The following CFAP157 variants were observed in gnomAD, a reference collection of about 807,000 sequenced individuals.
CFAP157 encodes cilia- and flagella-associated protein 157.
A neutral mutation model predicts 57.8 loss-of-function variants in CFAP157; 43 were observed. That is an observed-to-expected ratio of 0.74 (90% CI 0.58 to 0.96). CFAP157 has a LOEUF of 0.96. Ranked by LOEUF, CFAP157 falls within the 40% of genes least tolerant of loss-of-function variation. The pLI is 0.00. For missense variants in CFAP157, 606 were observed against 655.3 expected, an observed-to-expected ratio of 0.92 and a Z score of 0.82; for synonymous variants, 267 against 269.0, an observed-to-expected ratio of 0.99 and a Z score of 0.07.
Position 127,711,490 on chromosome 9 carries a change from C to A in CFAP157, c.849C>A (p.His283Gln), listed in dbSNP as rs1303059495. 6.2e-7 allele frequency: 1 copy of A among 1,612,968 alleles called. No homozygotes were observed. Among genetic ancestry groups the A allele is most frequent in the Non-Finnish European group, 8.5e-7 (1 of 1,179,638 alleles). ...TCATGGCCAGGCACAAAAGAGGCCA[C>A]CAGAAGGTGTGCCTGCAGGCCTCAG... is the stretch of plus-strand genomic sequence containing the variant. ...QKVMARHKRG[H>Q]QKIILMLTKK... is the part of the protein sequence containing the mutation. The change falls in exon 4 of 9, where the codon CAC (histidine) becomes CAA (glutamine). Residue 283 changes from histidine to glutamine, a missense_variant. Physicochemically the swap from His to Gln is conservative, Grantham distance 24. Transcript: ENST00000373295.
Position 127,715,212 on chromosome 9 carries a change from G to A in CFAP157, c.*1307G>A. Reference sequence around the variant, plus strand: ...CCAGCCACCTGCGGGCGGCACCAGGGAAACTGAGGCCCAACAACTCTCGCC... The same window carrying A: ...CCAGCCACCTGCGGGCGGCACCAGGAAAACTGAGGCCCAACAACTCTCGCC... On this transcript the variant is annotated 3_prime_UTR_variant, in exon 9 of 9. Coordinates refer to ENST00000373295, the MANE Select transcript of CFAP157 (RefSeq NM_001012502.3). The surrounding 1 kb of genome is among the most constrained non-coding windows in gnomAD (Gnocchi z 5.8). 6.5e-7 allele frequency: 1 copy of A among 1,526,892 alleles called. No individual in the cohort carries two copies. Among genetic ancestry groups the A allele is most frequent in the South Asian group, 1.2e-5 (1 of 83,688 alleles). 94.6% of individuals were successfully genotyped at this position (1,526,892 alleles called of 1,614,324 possible). A position where few individuals can be genotyped will look rare whatever the true frequency, so the allele number is the denominator to read the frequency against.
intron 1 of CFAP157, among the ~76,000 whole-genome samples, chr9:127,707,920 C>T (rs1350216909): frequency 1.3e-5 from 2 of 152,210 alleles, no homozygotes; most frequent in Non-Finnish European, 2.9e-5. Context: ...CTGAGTCCCT[C>T]GTGGTGCCAG....
rs1220521020 is a variant in CFAP157, at chr9:127,713,780, T to C, written c.1492-54T>C. The stretch of plus-strand genomic sequence containing the variant: ...CCTCGGCCTCCCAAAGTGCTGGGAT[T>C]ATAGGTGTGAGCCACTGCACCCGGC... On this transcript the variant is annotated intron_variant, in intron 8 of 8. Transcript: ENST00000373295. 19 of 1,477,002 alleles carry C rather than the reference T, an allele frequency of 1.3e-5. No homozygotes were observed. The Middle Eastern group carries it at 5.3e-4, about 41-fold the overall frequency. The allele number at this position is 1,477,002 out of a possible 1,614,324, so 91.5% of individuals were successfully genotyped here. A position where few individuals can be genotyped will look rare whatever the true frequency, so the allele number is the denominator to read the frequency against.
chr9:127,714,867 T>G lies in CFAP157; in HGVS notation c.*962T>G, dbSNP rs1842892769. The G allele has an allele frequency of 2.8e-6, 3 of 1,086,048 alleles. No individual in the cohort carries two copies. Among genetic ancestry groups the G allele is most frequent in the African/African-American group, 1.6e-5 (1 of 63,790 alleles). 67.3% of individuals were successfully genotyped at this position (1,086,048 alleles called of 1,614,324 possible). On this transcript the variant is annotated 3_prime_UTR_variant, in exon 9 of 9. Coordinates refer to ENST00000373295, the MANE Select transcript of CFAP157 (RefSeq NM_001012502.3). Reference sequence around the variant, plus strand: ...GCAGCAACTGGAGCTCAACAGGTACTTGGAGGTGAACCCGCGGATCTGTCA... The same window carrying G: ...GCAGCAACTGGAGCTCAACAGGTACGTGGAGGTGAACCCGCGGATCTGTCA...
chr9:127,714,977 G>A lies in CFAP157; in HGVS notation c.*1072G>A. The A allele has an allele frequency of 2.6e-6, 2 of 767,024 alleles. No individual in the cohort carries two copies. The highest frequency in any genetic ancestry group is 3.3e-6 in the Non-Finnish European group (2 of 604,962). The allele number at this position is 767,024 out of a possible 1,614,324, so 47.5% of individuals were successfully genotyped here. A position where few individuals can be genotyped will look rare whatever the true frequency, so the allele number is the denominator to read the frequency against. ...CACCCCTGGCGCTCTCAACTCACCA[G>A]CCCGGGCCACGCTGCGCCCGTTGGC... On this transcript the variant is annotated 3_prime_UTR_variant, in exon 9 of 9. Coordinates refer to ENST00000373295, the MANE Select transcript of CFAP157 (RefSeq NM_001012502.3).
intron 2 of CFAP157, among the ~76,000 whole-genome samples, chr9:127,710,227 G>C (rs2131587306): frequency 1.3e-5 from 2 of 150,602 alleles, no homozygotes; most frequent in South Asian, 4.2e-4. Context: ...AGACTGCAGT[G>C]AGCTGTGACT....
Position 127,714,823 on chromosome 9 carries a change from C to T in CFAP157, c.*918C>T. On this transcript the variant is annotated 3_prime_UTR_variant, in exon 9 of 9. Transcript: ENST00000373295. ...TCACATATAAAGAAACTGAGGCCCC[C>T]CGAAGTACCCAAAGCCATGCAGCAA... The T allele has an allele frequency of 9.4e-7, 1 of 1,066,844 alleles. No individual in the cohort carries two copies. Among genetic ancestry groups the T allele is most frequent in the Non-Finnish European group, 1.4e-6 (1 of 724,600 alleles). The allele number at this position is 1,066,844 out of a possible 1,614,324, so 66.1% of individuals were successfully genotyped here.
chr9:127,712,982 C>T (rs752500714), intron 7 of CFAP157, 38 bp from the exon 8 acceptor site: 11 of 1,604,336 alleles, frequency 6.9e-6, no homozygotes, highest in East Asian at 2.3e-5. Flanking sequence ...AAACCTGGCT[C>T]GCCGAAGGCT....
Position 127,709,494 on chromosome 9 carries a change from T to A in CFAP157, c.234T>A (p.Asn78Lys). ...GCCAGGAGTTTGAGCAGCTGGCCAA[T>A]AACAAGAAGGAGATTGTGGCCTTCC... ...MFRQEFEQLANNKKEIVAFLK... is the reference protein window; with the variant it reads ...MFRQEFEQLAKNKKEIVAFLK... Residue 78 changes from asparagine to lysine, a missense_variant, in exon 2 of 9, where the codon AAT (asparagine) becomes AAA (lysine). Coordinates refer to ENST00000373295, the MANE Select transcript of CFAP157 (RefSeq NM_001012502.3). The surrounding 1 kb of genome is among the most constrained non-coding windows in gnomAD (Gnocchi z 4.7). The A allele has an allele frequency of 6.2e-7, 1 of 1,613,978 alleles. No homozygotes were observed. Among genetic ancestry groups the A allele is most frequent in the Non-Finnish European group, 8.5e-7 (1 of 1,180,006 alleles).
Position 127,711,801 on chromosome 9 carries a change from C to A in CFAP157, c.856-19C>A. The A allele has an allele frequency of 6.4e-7, 1 of 1,551,996 alleles. No individual in the cohort carries two copies. The highest frequency in any genetic ancestry group is 1.4e-5 in the African/African-American group (1 of 73,528). ...GGACAGGGCAGGCTGAGGGCATGGCCACCTGTCCGCACCCGCAGATCATCC... is the reference window on the plus strand; with the variant it reads ...GGACAGGGCAGGCTGAGGGCATGGCAACCTGTCCGCACCCGCAGATCATCC... On this transcript the variant is annotated intron_variant, in intron 4 of 8. Coordinates refer to ENST00000373295, the MANE Select transcript of CFAP157 (RefSeq NM_001012502.3).
In CFAP157 at chr9:127,711,863, A is replaced by C. The variant is rs1188833250; in HGVS notation, c.899A>C (p.Asp300Ala). The C allele has an allele frequency of 6.3e-7, 1 of 1,583,522 alleles. No homozygotes were observed. The highest frequency in any genetic ancestry group is 2.3e-5 in the East Asian group (1 of 43,862). ...AAGAAGTGCCAGGAGCAGCAGCAGGACACCAAGGAGGCCGAGGAGCTGCGC... is the reference window on the plus strand; with the variant it reads ...AAGAAGTGCCAGGAGCAGCAGCAGGCCACCAAGGAGGCCGAGGAGCTGCGC... ...LTKKCQEQQQDTKEAEELRLL... is the reference protein window; with the variant it reads ...LTKKCQEQQQATKEAEELRLL... Residue 300 changes from aspartate (D) to alanine (A), a missense_variant, in exon 5 of 9, where the codon GAC becomes GCC. Coordinates refer to ENST00000373295, the MANE Select transcript of CFAP157 (RefSeq NM_001012502.3).
Position 127,713,181 on chromosome 9 carries a change from C to T in CFAP157, c.1466C>T (p.Thr489Ile), listed in dbSNP as rs767497515. Residue 489 changes from threonine to isoleucine, a missense_variant, in exon 8 of 9, where the codon ACC becomes ATC. Physicochemically the swap from Thr to Ile is moderately conservative, Grantham distance 89. Transcript: ENST00000373295. ...RLLSYITRVG[T>I]FRAHSSPEMR... is the part of the protein sequence containing the mutation. ...CTGTCATATATCACCCGTGTGGGGA[C>T]CTTCCGGGCACACAGCAGCCCTGAG... is the stretch of plus-strand genomic sequence containing the variant. The T allele has an allele frequency of 2.8e-5, 44 of 1,566,830 alleles. No individual in the cohort carries two copies. In the South Asian group the frequency reaches 5.1e-4, roughly 18 times the overall value.
rs1842830874 is a variant in CFAP157, at chr9:127,713,918, A to G, written c.*13A>G. On this transcript the variant is annotated 3_prime_UTR_variant, in exon 9 of 9. Coordinates refer to ENST00000373295, the MANE Select transcript of CFAP157 (RefSeq NM_001012502.3). ...ACGTCCCAAGTAGGACACAGAGAGA[A>G]GAACCTACTCCAGAAATGGACTGGT... 1 of 1,612,124 alleles carries G rather than the reference A, an allele frequency of 6.2e-7. No homozygotes were observed. Among genetic ancestry groups the G allele is most frequent in the Non-Finnish European group, 8.5e-7 (1 of 1,178,310 alleles).
At position 127,709,347 on chromosome 9, in the gene CFAP157, A is replaced by G. The variant is rs1842711021; in HGVS notation, c.162-75A>G. 6.7e-7 allele frequency: 1 copy of G among 1,488,712 alleles called. No homozygotes were observed. The highest frequency in any genetic ancestry group is 1.4e-5 in the African/African-American group (1 of 71,984). The allele number at this position is 1,488,712 out of a possible 1,614,324, so 92.2% of individuals were successfully genotyped here. On this transcript the variant is annotated intron_variant, in intron 1 of 8. Transcript: ENST00000373295. The surrounding 1 kb of genome is among the most constrained non-coding windows in gnomAD (Gnocchi z 4.7). ...CCCTTTACGGGACAGGGAGTCCAGG[A>G]GAGTGGGCCCAGCTGCACCAGAGGC...
chr9:127,715,490 C>G lies in CFAP157; in HGVS notation c.*1585C>G. 1 of 1,611,518 alleles carries G rather than the reference C, an allele frequency of 6.2e-7. No homozygotes were observed. The highest frequency in any genetic ancestry group is 8.5e-7 in the Non-Finnish European group (1 of 1,179,192). On this transcript the variant is annotated 3_prime_UTR_variant, in exon 9 of 9. Transcript: ENST00000373295. This position sits in a 1 kb window ranked among gnomAD's most constrained non-coding sequence, Gnocchi z 5.8. The stretch of plus-strand genomic sequence containing the variant: ...GCACTCGGCTCCCGGGACATAATGG[C>G]CGAACTGAAGCTAGGGACCGGGAGC...
intron 2 of CFAP157, among the ~76,000 whole-genome samples, chr9:127,710,091 A>C (rs1340703721): frequency 6.6e-6 from 1 of 152,076 alleles, no homozygotes; most frequent in Non-Finnish European, 1.5e-5. Context: ...TAGGCAACAT[A>C]GCGACACTCC....
chr9:127,709,391 C>T lies in CFAP157; in HGVS notation c.162-31C>T. 1.2e-6 allele frequency: 2 copies of T among 1,605,246 alleles called. No individual in the cohort carries two copies. Among genetic ancestry groups the T allele is most frequent in the African/African-American group, 2.7e-5 (2 of 74,882 alleles). ...CAGAGGCCTGGCTTGCCCAGCCTGA[C>T]CCCTGGACCACGGCTCTGCCCCTGC... On this transcript the variant is annotated intron_variant, in intron 1 of 8. Transcript: ENST00000373295. The surrounding 1 kb of genome is among the most constrained non-coding windows in gnomAD (Gnocchi z 4.7).
chr9:127,715,090 C>A lies in CFAP157; in HGVS notation c.*1185C>A. On this transcript the variant is annotated 3_prime_UTR_variant, in exon 9 of 9. Coordinates refer to ENST00000373295, the MANE Select transcript of CFAP157 (RefSeq NM_001012502.3). This position sits in a 1 kb window ranked among gnomAD's most constrained non-coding sequence, Gnocchi z 5.8. ...GGTCGGCGGCACAGTGCCGGTCGCG[C>A]GTCCAACTCTCCGCCACACCCAGCC... 1 of 1,532,530 alleles carries A rather than the reference C, an allele frequency of 6.5e-7. No individual in the cohort carries two copies. The allele number at this position is 1,532,530 out of a possible 1,614,324, so 94.9% of individuals were successfully genotyped here. A position where few individuals can be genotyped will look rare whatever the true frequency, so the allele number is the denominator to read the frequency against.
rs1451171753 is a variant in CFAP157, at chr9:127,709,906, G to A, written c.433+213G>A. On this transcript the variant is annotated intron_variant, in intron 2 of 8. Coordinates refer to ENST00000373295, the MANE Select transcript of CFAP157 (RefSeq NM_001012502.3). This position sits in a 1 kb window ranked among gnomAD's most constrained non-coding sequence, Gnocchi z 4.7. The stretch of plus-strand genomic sequence containing the variant: ...CAAAAGATGAAGTGTCGTGACCAAG[G>A]TCCCCCAGTTGGCAAGGGTTGTGAG... 6.6e-6 allele frequency among the ~76,000 whole-genome samples: 1 copy of A among 152,196 alleles called. No homozygotes were observed. Among genetic ancestry groups the A allele is most frequent in the African/African-American group, 2.4e-5 (1 of 41,452 alleles).
Sources: gnomAD v4.1 joint callset for allele counts (sites outside exome capture counted in the v4.1 genomes callset) on GRCh38, gnomAD v4.1.1 for gene constraint, Gnocchi (gnomAD v3.1) non-coding constraint, MANE v1.5 for transcripts, NCBI Gene and HGNC (gene_info 2026-07-23, HGNC 2026-07-21) for gene names.